Variants in GINS4 observed in about 807,000 individuals in gnomAD.
GINS4 encodes the protein DNA replication complex GINS protein SLD5.
Under a neutral mutation model 31.1 loss-of-function variants are expected in GINS4, and 20 were observed. The ratio of observed to expected loss-of-function variants is 0.64; its 90% confidence interval spans 0.45 to 0.93. The LOEUF (loss-of-function observed/expected upper bound fraction) is 0.93, where lower values mean the gene tolerates loss of function less well. Among genes scored for constraint, GINS4 ranks in the 40% least tolerant of loss-of-function variants. The probability of loss-of-function intolerance (pLI) is 0.00; values close to 1 mark genes in which losing one functional copy is unlikely to be tolerated. For synonymous variants in GINS4, 85 were observed against 97.9 expected (o/e 0.87, Z 0.78); for missense variants, 245 against 273.9 (o/e 0.89, Z 0.75).
At chr8:41,541,691 G>T in intron 6 of GINS4, 118 bp from the exon 7 acceptor site, 2 of 719,828 alleles carry the variant, frequency 2.8e-6, no homozygotes, top group Non-Finnish European at 4.8e-6. Flanking sequence ...TGAAGAGTAG[G>T]AATGGGCTGG....
chr8:41,537,293 G>T lies in GINS4; in HGVS notation c.297G>T (p.Lys99Asn), dbSNP rs1489179845. The part of the protein sequence containing the change: ...LSSYLRCRLM[K>N]IEKFFPHVLE... ...GCTACTTGCGGTGTCGCCTCATGAA[G>T]GTTTGACGTGGAGATACCTGGAGGG... The change falls in exon 4 of 8, where the codon AAG (lysine) becomes AAT (asparagine). Residue 99 changes from lysine (K) to asparagine (N), a missense_variant and splice_region_variant. By Grantham distance (94) the Lys-to-Asn change is moderately conservative. Coordinates refer to ENST00000276533, the MANE Select transcript of GINS4 (RefSeq NM_032336.3). The T allele has an allele frequency of 1.9e-6, 3 of 1,594,908 alleles. No individual in the cohort carries two copies. The highest frequency in any genetic ancestry group is 3.3e-5 in the Admixed American group (2 of 59,788).
At chr8:41,535,030 G>A (rs1806718290) in intron 2 of GINS4, among the ~76,000 whole-genome samples, 1 of 151,110 alleles carries the variant, frequency 6.6e-6, no homozygotes, top group Admixed American at 6.6e-5. Context: ...GCTTGTTCTT[G>A]TAGTTTTAAA....
intron 6 of GINS4, among the ~76,000 whole-genome samples, chr8:41,540,563 C>T (rs1020863726): frequency 2.0e-5 from 3 of 152,146 alleles, no homozygotes; most frequent in Non-Finnish European, 2.9e-5. Context: ...CGGGCTTCTT[C>T]GCACCAGCCC....
At position 41,542,900 on chromosome 8, in the gene GINS4, A is replaced by G. The variant is rs1276670248; in HGVS notation, c.*813A>G. On this transcript the variant is annotated 3_prime_UTR_variant, in exon 8 of 8. Coordinates refer to ENST00000276533, the MANE Select transcript of GINS4 (RefSeq NM_032336.3). ...GGCCATTGTACTGTTTGTTCTGCAC[A>G]CTTGGCGGAGCAGCAGAGGCTCTCA... is the stretch of plus-strand genomic sequence containing the variant. 4 of 152,342 alleles carry G rather than the reference A, an allele frequency of 2.6e-5. No individual in the cohort carries two copies. In the East Asian group the frequency reaches 5.8e-4, roughly 22 times the overall value. 9.4% of individuals were successfully genotyped at this position (152,342 alleles called of 1,614,324 possible).
At chr8:41,532,746 T>C (rs1210535049) in intron 2 of GINS4, among the ~76,000 whole-genome samples, 1 of 148,796 alleles carries the variant, frequency 6.7e-6, no homozygotes, top group Admixed American at 6.8e-5. Flanking sequence ...GGCAGGAGAA[T>C]CTCTTGAACC....
At chr8:41,529,845 G>T (rs770078452) in intron 1 of GINS4, 87 of 185,718 alleles carry the variant, frequency 4.7e-4, no homozygotes, top group Non-Finnish European at 6.2e-4. Flanking sequence ...GCAGAGGCGC[G>T]ATTCGTATTT....
intron 4 of GINS4, 187 bp downstream of exon 4, chr8:41,537,480 G>A (rs754356229): frequency 2.2e-5 from 12 of 555,216 alleles, no homozygotes; most frequent in Admixed American, 9.7e-5. Context: ...ACAGAGGAAC[G>A]TGTGTGGCCC....
chr8:41,531,101 C>T (rs550624851), intron 2 of GINS4, among the ~76,000 whole-genome samples: 4 of 152,214 alleles, frequency 2.6e-5, no homozygotes, highest in East Asian at 1.9e-4. Context: ...GGTAAAATCC[C>T]GTCTCTACTA....
intron 4 of GINS4, among the ~76,000 whole-genome samples, chr8:41,538,766 G>A (rs1041107391): frequency 3.3e-5 from 5 of 151,692 alleles, no homozygotes; most frequent in African/African-American, 9.7e-5. Context: ...GTGCAGTGGC[G>A]CGATCTCAGC....
chr8:41,541,888 A>C lies in GINS4; in HGVS notation c.564A>C (p.Thr188=). 6.2e-7 allele frequency: 1 copy of C among 1,614,076 alleles called. No individual in the cohort carries two copies. The highest frequency in any genetic ancestry group is 8.5e-7 in the Non-Finnish European group (1 of 1,179,880). The part of the protein sequence containing the change: ...RQENILVEPD[T]DEQRDYVIDL... ...AAAACATACTGGTAGAACCAGACAC[A>C]GATGAGCAGAGGTGAGTGGCGTGCA... is the stretch of plus-strand genomic sequence containing the variant. Residue 188 remains threonine (T), a synonymous_variant, in exon 7 of 8, where the codon ACA becomes ACC. Coordinates refer to ENST00000276533, the MANE Select transcript of GINS4 (RefSeq NM_032336.3).
chr8:41,539,165 C>T lies in GINS4; in HGVS notation c.298-513C>T, dbSNP rs184204881. Among the ~76,000 whole-genome samples the T allele has an allele frequency of 1.5e-3, 231 of 150,978 alleles. 1 individual carries two copies. The highest frequency in any genetic ancestry group is 5.3e-3 in the African/African-American group (217 of 41,290). On this transcript the variant is annotated intron_variant, in intron 4 of 7. Transcript: ENST00000276533. The stretch of plus-strand genomic sequence containing the variant: ...TGAAATCCTATCTCTACTAAAAATA[C>T]AAAAATCATCTGGGTGTGGTGGTGG...
At chr8:41,540,835 G>A (rs1806827941) in intron 6 of GINS4, among the ~76,000 whole-genome samples, 1 of 152,176 alleles carries the variant, frequency 6.6e-6, no homozygotes. Context: ...GTGGAACAGG[G>A]TCTTAGTCCC....
chr8:41,530,901 C>T (rs1264684293), intron 2 of GINS4, among the ~76,000 whole-genome samples: 3 of 152,200 alleles, frequency 2.0e-5, no homozygotes, highest in Admixed American at 2.0e-4. Flanking sequence ...GGATTTAAAT[C>T]TGTCTGTGAC....
chr8:41,533,077 AC>A (rs1192528318), intron 2 of GINS4, among the ~76,000 whole-genome samples: 1 of 152,180 alleles, frequency 6.6e-6, no homozygotes, highest in Non-Finnish European at 1.5e-5. Context: ...AATAACCTAG[AC>A]AACCGTAAAC....
At chr8:41,541,114 A>C (rs1242277092) in intron 6 of GINS4, among the ~76,000 whole-genome samples, 1 of 138,720 alleles carries the variant, frequency 7.2e-6, no homozygotes, top group Non-Finnish European at 1.5e-5. Context: ...CAGTTGCCCC[A>C]GCTGGAGTAG....
chr8:41,541,939 C>T (rs1310904842), intron 7 of GINS4, 40 bp downstream of exon 7: 28 of 1,608,302 alleles, frequency 1.7e-5, no homozygotes, highest in Non-Finnish European at 2.3e-5. Context: ...ACATTCCTCC[C>T]GATGGAGGGC....
chr8:41,537,227 C>G lies in GINS4; in HGVS notation c.231C>G (p.Ile77Met). Reference protein sequence around the residue: ...RAKREDLKVSIHQMEMERIRY... With the variant: ...RAKREDLKVSMHQMEMERIRY... ...AAAGGGAGGACCTGAAGGTCAGCAT[C>G]CACCAAATGGAGATGGAGAGGATCC... The change falls in exon 4 of 8, where the codon ATC becomes ATG. Residue 77 changes from isoleucine (I) to methionine (M), a missense_variant. By Grantham distance (10) the Ile-to-Met change is conservative. Coordinates refer to ENST00000276533, the MANE Select transcript of GINS4 (RefSeq NM_032336.3). 1 of 1,614,016 alleles carries G rather than the reference C, an allele frequency of 6.2e-7. No homozygotes were observed. The highest frequency in any genetic ancestry group is 8.5e-7 in the Non-Finnish European group (1 of 1,179,908).
Position 41,543,459 on chromosome 8 carries a change from T to C in GINS4, c.*1372T>C, listed in dbSNP as rs1806879388. ...TTTTCTGGTTTAAGTCCTTCACTTT[T>C]TCAAGAGGAATGGATGAAATTAATG... On this transcript the variant is annotated 3_prime_UTR_variant, in exon 8 of 8. Coordinates refer to ENST00000276533, the MANE Select transcript of GINS4 (RefSeq NM_032336.3). 2 of 152,236 alleles carry C rather than the reference T, an allele frequency of 1.3e-5. No individual in the cohort carries two copies. The highest frequency in any genetic ancestry group is 4.8e-5 in the African/African-American group (2 of 41,464). The allele number at this position is 152,236 out of a possible 1,614,324, so 9.4% of individuals were successfully genotyped here.
At chr8:41,536,494 C>T (rs1048954959) in intron 3 of GINS4, 48 bp downstream of exon 3, 1 of 1,168,848 alleles carries the variant, frequency 8.6e-7, no homozygotes, top group Middle Eastern at 1.9e-4. Flanking sequence ...AAGGTAAAAG[C>T]ATTTGGTCAG....
Sources: gnomAD v4.1 joint callset for allele counts (sites outside exome capture counted in the v4.1 genomes callset) on GRCh38, gnomAD v4.1.1 for gene constraint, MANE v1.5 for transcripts, NCBI Gene and HGNC (gene_info 2026-07-23, HGNC 2026-07-21) for gene names.